POR: variants seen among roughly 807,000 people sequenced by gnomAD.
POR encodes cytochrome p450 oxidoreductase.
In POR, 56 loss-of-function variants were observed where a neutral mutation model predicts 84.0. The observed-to-expected ratio is 0.67, with a 90% CI of 0.54 to 0.83. The LOEUF is 0.83. Among genes scored for constraint, POR ranks in the 40% least tolerant of loss-of-function variants. The pLI is 0.00. For missense variants in POR, 938 were observed against 944.3 expected, an observed-to-expected ratio of 0.99 and a Z score of 0.09; for synonymous variants, 414 against 400.5, an observed-to-expected ratio of 1.03 and a Z score of -0.40.
chr7:75,964,190 G>T (rs1788068427), intron 2 of POR, among the ~76,000 whole-genome samples: 1 of 151,890 alleles, frequency 6.6e-6, no homozygotes, highest in Non-Finnish European at 1.5e-5. Flanking sequence ...AGTAGAGATG[G>T]GGTTTCACCA....
chr7:75,915,426 A>G (rs1806506516), intron 1 of POR: 1 of 152,090 alleles, frequency 6.6e-6, no homozygotes, highest in Admixed American at 6.5e-5. Flanking sequence ...ACTTTTCCAC[A>G]GCTTGGGCCG....
Position 75,965,816 on chromosome 7 carries a change from G to A in POR, c.189-6597G>A, listed in dbSNP as rs28715169. 4.7e-3 allele frequency among the ~76,000 whole-genome samples: 715 copies of A among 152,276 alleles called. 8 individuals carry two copies. The highest frequency in any genetic ancestry group is 0.017 in the African/African-American group (689 of 41,562). ...AACACGTGCTGGAGGACATGGTCGG[G>A]GGGAATGAGGGAGCGGCAGCCCACC... On this transcript the variant is annotated intron_variant, in intron 2 of 15. Coordinates refer to ENST00000461988, the MANE Select transcript of POR (RefSeq NM_000941.3).
chr7:75,984,504 G>A (rs973033161), intron 10 of POR, among the ~76,000 whole-genome samples: 1 of 152,186 alleles, frequency 6.6e-6, no homozygotes. Flanking sequence ...TGTAGTGTGC[G>A]GTGAAAGCAC....
chr7:75,918,980 A>G lies in POR; in HGVS notation c.-5+3801A>G, dbSNP rs142564739. ...TGTTTTAAAAGGTCAGGGCTATGTG[A>G]CTAGCTCAGATCAGTGTTGTGTGTT... is the stretch of plus-strand genomic sequence containing the variant. On this transcript the variant is annotated intron_variant, in intron 1 of 15. Coordinates refer to ENST00000461988, the MANE Select transcript of POR (RefSeq NM_000941.3). 9.4e-3 allele frequency among the ~76,000 whole-genome samples: 1,413 copies of G among 149,672 alleles called. 24 individuals are homozygous for G. The highest frequency in any genetic ancestry group is 0.03 in the African/African-American group (1,230 of 40,558).
rs1554558885 is a variant in POR, at chr7:75,985,079, G to T, written c.1270G>T (p.Val424Leu). 1.3e-6 allele frequency: 2 copies of T among 1,599,138 alleles called. No homozygotes were observed. Among genetic ancestry groups the T allele is most frequent in the Non-Finnish European group, 1.7e-6 (2 of 1,178,908 alleles). Residue 424 changes from valine to leucine, a missense_variant, in exon 12 of 16, where the codon GTG becomes TTG. Transcript: ENST00000461988. Reference sequence around the variant, plus strand: ...TTAGGAGCTGTACCTGAGCTGGGTGGTGGAGGCCCGGAGGCACATCCTGGC... The same window carrying T: ...TTAGGAGCTGTACCTGAGCTGGGTGTTGGAGGCCCGGAGGCACATCCTGGC...
chr7:75,945,745 G>T (rs1223614334), intron 1 of POR, among the ~76,000 whole-genome samples: 2 of 152,134 alleles, frequency 1.3e-5, no homozygotes, highest in African/African-American at 4.8e-5. Flanking sequence ...ACAGCTAAAG[G>T]GTTGACTAAA....
At chr7:75,929,774 C>T (rs1225214718) in intron 1 of POR, among the ~76,000 whole-genome samples, 1 of 152,186 alleles carries the variant, frequency 6.6e-6, no homozygotes, top group East Asian at 1.9e-4. Context: ...TGACCAATAC[C>T]TGTTCTGTGG....
In POR at chr7:75,925,871, C is replaced by T. The variant is rs368231344; in HGVS notation, c.-5+10692C>T. Among the ~76,000 whole-genome samples, 14 of 151,932 alleles carry T rather than the reference C, an allele frequency of 9.2e-5. No individual in the cohort carries two copies. In the East Asian group the frequency reaches 1.5e-3, roughly 17 times the overall value. On this transcript the variant is annotated intron_variant, in intron 1 of 15. Coordinates refer to ENST00000461988, the MANE Select transcript of POR (RefSeq NM_000941.3). Reference sequence around the variant, plus strand: ...TGTGAGCAAGAGAATGGAATCAGAGCGATTATTTTAGCAGGCAGGAGTGAA... The same window carrying T: ...TGTGAGCAAGAGAATGGAATCAGAGTGATTATTTTAGCAGGCAGGAGTGAA...
At chr7:75,947,475 A>G (rs1412856490) in intron 1 of POR, among the ~76,000 whole-genome samples, 1 of 152,062 alleles carries the variant, frequency 6.6e-6, no homozygotes, top group Non-Finnish European at 1.5e-5. Flanking sequence ...TTGTATTTTT[A>G]GTAGAGACGG....
chr7:75,937,317 C>A (rs1352515964), intron 1 of POR, among the ~76,000 whole-genome samples: 127 of 147,590 alleles, frequency 8.6e-4, no homozygotes, highest in East Asian at 1.4e-3. Context: ...ACAAAAAAAC[C>A]AAAAATTAGC....
chr7:75,952,925 C>T (rs1487172264), intron 1 of POR, among the ~76,000 whole-genome samples: 4 of 152,120 alleles, frequency 2.6e-5, no homozygotes, highest in Non-Finnish European at 5.9e-5. Context: ...GGGGTGGCGG[C>T]CGGGCAGAGG....
intron 8 of POR, among the ~76,000 whole-genome samples, 186 bp downstream of exon 8, chr7:75,982,508 G>A (rs1554558262): frequency 2.0e-5 from 3 of 152,214 alleles, no homozygotes; most frequent in African/African-American, 7.2e-5. Context: ...CGCCCAGTTT[G>A]TACTGAGCTC....
At chr7:75,985,309 GAGCTCCAGTTCCAGCCCCAGCGC>G (rs1563434796) in intron 12 of POR, 102 bp downstream of exon 12, 2 of 1,396,028 alleles carry the variant, frequency 1.4e-6, no homozygotes, top group African/African-American at 2.9e-5. Flanking sequence ...TCTGAGCCCT[GAGCTCCAGTTCCAGCCCCAGCGC>G]AGCTCCAAAT....
At chr7:75,943,108 C>T (rs1249767373) in intron 1 of POR, among the ~76,000 whole-genome samples, 1 of 151,964 alleles carries the variant, frequency 6.6e-6, no homozygotes, top group African/African-American at 2.4e-5. Context: ...CGTGGCACCA[C>T]ACCCAGCTAA....
chr7:75,948,487 C>T (rs1002225088), intron 1 of POR, among the ~76,000 whole-genome samples: 4 of 152,156 alleles, frequency 2.6e-5, no homozygotes, highest in Non-Finnish European at 5.9e-5. Flanking sequence ...ACTGTGTGGT[C>T]CTGACTGTGA....
intron 3 of POR, among the ~76,000 whole-genome samples, chr7:75,974,012 C>G (rs1380125099): frequency 6.6e-6 from 1 of 152,066 alleles, no homozygotes; most frequent in Non-Finnish European, 1.5e-5. Flanking sequence ...CACAAAACAA[C>G]TTGATATGTC....
chr7:75,919,156 G>T (rs1585080401), intron 1 of POR, among the ~76,000 whole-genome samples: 1 of 152,134 alleles, frequency 6.6e-6, no homozygotes, highest in South Asian at 2.1e-4. Context: ...CGGCCACCAT[G>T]TCTGGCTCAG....
chr7:75,923,201 TCCCTCTGACAACACAGTGATTGA>T, intron 1 of POR: 2 of 1,127,864 alleles, frequency 1.8e-6, no homozygotes. Flanking sequence ...AATAAGACCA[TCCCTCTGACAACACAGTGATTGA>T]GGAGCACCTG....
At chr7:75,937,987 T>C (rs1411618088) in intron 1 of POR, among the ~76,000 whole-genome samples, 1 of 152,206 alleles carries the variant, frequency 6.6e-6, no homozygotes, top group Non-Finnish European at 1.5e-5. Context: ...GCCGCAGAGA[T>C]GCTGCTAGAA....
Sources: gnomAD v4.1 joint callset for allele counts (sites outside exome capture counted in the v4.1 genomes callset) on GRCh38, gnomAD v4.1.1 for gene constraint, MANE v1.5 for transcripts, NCBI Gene and HGNC (gene_info 2026-07-23, HGNC 2026-07-21) for gene names.